The following AFF2 variants were observed in gnomAD, a reference collection of about 807,000 sequenced individuals.
AFF2 encodes the protein ALF transcription elongation factor 2.
AFF2 carries 14 observed loss-of-function variants against 76.9 expected under a neutral mutation model. The ratio of observed to expected loss-of-function variants is 0.18; its 90% CI spans 0.12 to 0.28. AFF2 has a LOEUF of 0.28. AFF2 is among the 10% of genes least tolerant of loss of function. The probability of loss-of-function intolerance (pLI) is 1.00; values close to 1 mark genes in which losing one functional copy is unlikely to be tolerated. For synonymous variants in AFF2, 398 were observed against 366.7 expected, an observed-to-expected ratio of 1.09 and a Z score of -0.98; for missense variants, 868 against 1,001.1, an observed-to-expected ratio of 0.87 and a Z score of 1.79.
intron 9 of AFF2, among the ~76,000 whole-genome samples, chrX:148,913,773 A>G (rs1557282227): frequency 8.9e-6 from 1 of 112,355 alleles, no homozygotes; most frequent in East Asian, 2.8e-4. Context: ...AGAATGGACA[A>G]CGCTGTTTAA....
chrX:148,704,300 TTA>T (rs782567237), intron 3 of AFF2, among the ~76,000 whole-genome samples: 1 of 12,136 alleles, frequency 8.2e-5, no homozygotes, highest in Admixed American at 1.4e-3. Flanking sequence ...ATATATATAT[TTA>T]TATATATGTG....
chrX:148,803,800 T>A (rs1384366222), intron 3 of AFF2, among the ~76,000 whole-genome samples: 2 of 110,752 alleles, frequency 1.8e-5, no homozygotes, highest in Admixed American at 1.9e-4. Flanking sequence ...TGAAGAGATG[T>A]CCTCATAATG....
rs1557293251 is a variant in AFF2 at position 148,996,722 on chromosome X, G to A, written c.*5390G>A. 8.9e-6 allele frequency: 1 copy of A among 112,206 alleles called. No homozygotes were observed. The highest frequency in any genetic ancestry group is 9.4e-5 in the Admixed American group (1 of 10,640). 9.2% of individuals were successfully genotyped at this position (112,206 alleles called of 1,213,427 possible). On this transcript the variant is annotated 3_prime_UTR_variant, in exon 21 of 21. Coordinates refer to ENST00000370460, the MANE Select transcript of AFF2 (RefSeq NM_002025.4). Reference sequence around the variant, plus strand: ...AGGTTTTAAGCAGGAGAATAGCTGAGAAGAATGAAGCCCTCCTGAGCTGAA... The same window carrying A: ...AGGTTTTAAGCAGGAGAATAGCTGAAAAGAATGAAGCCCTCCTGAGCTGAA...
At chrX:148,618,515 T>G (rs1387140950) in intron 1 of AFF2, among the ~76,000 whole-genome samples, 1 of 111,606 alleles carries the variant, frequency 9.0e-6, no homozygotes, top group East Asian at 2.8e-4. Flanking sequence ...CACCTGGTCC[T>G]GACCTTGACA....
At chrX:148,766,210 G>A (rs1557267714) in intron 3 of AFF2, among the ~76,000 whole-genome samples, 1 of 109,634 alleles carries the variant, frequency 9.1e-6, no homozygotes, top group Non-Finnish European at 1.9e-5. Flanking sequence ...AGTCCTTTGG[G>A]TATATACCCA....
At chrX:148,918,858 A>G (rs1298148939) in intron 9 of AFF2, among the ~76,000 whole-genome samples, 2 of 111,775 alleles carry the variant, frequency 1.8e-5, no homozygotes, top group Non-Finnish European at 3.8e-5. Flanking sequence ...AACAGCATAT[A>G]TCTCATCAAA....
At chrX:148,650,442 G>A (rs1557256194) in intron 1 of AFF2, among the ~76,000 whole-genome samples, 1 of 111,756 alleles carries the variant, frequency 8.9e-6, no homozygotes, top group African/African-American at 3.3e-5. Context: ...GCTTTGGGTA[G>A]GACTCTGAAG....
intron 1 of AFF2, among the ~76,000 whole-genome samples, chrX:148,531,265 A>C (rs2052727434): frequency 8.9e-6 from 1 of 111,885 alleles, no homozygotes; most frequent in African/African-American, 3.2e-5. Context: ...GAAGGCAATG[A>C]AATTTAGTAC....
At chrX:148,680,146 A>G (rs1416192611) in intron 3 of AFF2, among the ~76,000 whole-genome samples, 2 of 112,075 alleles carry the variant, frequency 1.8e-5, no homozygotes, top group African/African-American at 6.5e-5. Flanking sequence ...CATGCATAAT[A>G]TAGTTTTAAT....
intron 1 of AFF2, among the ~76,000 whole-genome samples, chrX:148,642,580 T>G (rs1477390088): frequency 1.8e-5 from 2 of 112,004 alleles, no homozygotes; most frequent in Non-Finnish European, 3.8e-5. Context: ...AGAGCTGATC[T>G]GTGTAAGTTG....
In AFF2 at chrX:148,719,311, G is replaced by A. The variant is rs1351897607; in HGVS notation, c.1041+56543G>A. On this transcript the variant is annotated intron_variant, in intron 3 of 20. Transcript: ENST00000370460. ...GTAGCTTTTCTCTCTCTTTACAAAT[G>A]AGTCCTGATCACAGTGAGGTATTTC... The A allele has an allele frequency of 1.5e-5, 11 of 726,515 alleles. No individual in the cohort carries two copies. The African/African-American group carries it at 1.9e-4, about 13-fold the overall frequency. 59.9% of individuals were successfully genotyped at this position (726,515 alleles called of 1,213,427 possible).
chrX:148,576,793 ATG>A (rs60411417), intron 1 of AFF2, among the ~76,000 whole-genome samples: 64 of 103,332 alleles, frequency 6.2e-4, no homozygotes, highest in East Asian at 5.3e-3. Flanking sequence ...GTGTGTGTGT[ATG>A]TGTGTGTGTG....
chrX:148,725,071 G>A (rs2055140245), intron 3 of AFF2, among the ~76,000 whole-genome samples: 1 of 111,087 alleles, frequency 9.0e-6, no homozygotes, highest in African/African-American at 3.3e-5. Context: ...GCCTAGTCTA[G>A]TTGTCAAGCC....
chrX:148,686,842 G>A (rs2054606449), intron 3 of AFF2, among the ~76,000 whole-genome samples: 1 of 111,444 alleles, frequency 9.0e-6, no homozygotes, highest in South Asian at 3.8e-4. Context: ...AGAATTTCTT[G>A]GAGAGCTGGG....
At position 148,998,256 on chromosome X, in the gene AFF2, G is replaced by C. The variant is rs782136224; in HGVS notation, c.*6924G>C. 16 of 111,906 alleles carry C rather than the reference G, an allele frequency of 1.4e-4. No individual in the cohort carries two copies. The highest frequency in any genetic ancestry group is 4.9e-4 in the African/African-American group (15 of 30,725). 9.2% of individuals were successfully genotyped at this position (111,906 alleles called of 1,213,427 possible). On this transcript the variant is annotated 3_prime_UTR_variant, in exon 21 of 21. Coordinates refer to ENST00000370460, the MANE Select transcript of AFF2 (RefSeq NM_002025.4). ...AGTGGTTGTATCTGTGGCTGTGATG[G>C]TTGTTGTTACTTGTCTCTCTCTCTC...
intron 15 of AFF2, among the ~76,000 whole-genome samples, chrX:148,969,931 G>A (rs1166068064): frequency 1.8e-5 from 2 of 111,434 alleles, no homozygotes; most frequent in South Asian, 7.7e-4. Flanking sequence ...CTATTAATTG[G>A]CACTATAGTC....
At chrX:148,907,076 G>A (rs782105208) in intron 9 of AFF2, among the ~76,000 whole-genome samples, 1 of 111,867 alleles carries the variant, frequency 8.9e-6, no homozygotes, top group East Asian at 2.8e-4. Context: ...CCAGGTCAGA[G>A]AATAAAAGGC....
chrX:148,762,759 T>C (rs928984630), intron 3 of AFF2, among the ~76,000 whole-genome samples: 1 of 110,964 alleles, frequency 9.0e-6, no homozygotes, highest in Non-Finnish European at 1.9e-5. Context: ...TGACTGCTCT[T>C]TGTGACCCAC....
chrX:148,626,083 A>G (rs1463880065), intron 1 of AFF2, among the ~76,000 whole-genome samples: 1 of 112,194 alleles, frequency 8.9e-6, no homozygotes, highest in Non-Finnish European at 1.9e-5. Context: ...CTCCTTTGGA[A>G]AAATTGGTGG....
Sources: allele counts gnomAD v4.1 joint callset (sites outside exome capture counted in the v4.1 genomes callset), GRCh38; gene constraint gnomAD v4.1.1; transcripts MANE v1.5; gene names NCBI Gene and HGNC (gene_info 2026-07-23, HGNC 2026-07-21).